QTMAN: variants seen among roughly 807,000 people sequenced by gnomAD.
The protein encoded by QTMAN is queuosine-tRNA mannosyltransferase.
chr2:143,979,170 A>C, the QTMAN span, among the ~76,000 whole-genome samples: 1 of 152,160 alleles, frequency 6.6e-6, no homozygotes, highest in Non-Finnish European at 1.5e-5. Context: ...TAAAAAAAAA[A>C]ACAAAACCCT....
the QTMAN span, among the ~76,000 whole-genome samples, chr2:143,999,482 G>C: frequency 6.6e-6 from 1 of 151,902 alleles, no homozygotes. Context: ...TACTAGGATG[G>C]TGTGGAAAAA....
At chr2:144,103,834 A>G in the QTMAN span, among the ~76,000 whole-genome samples, 8 of 152,218 alleles carry the variant, frequency 5.3e-5, 1 homozygote, top group Non-Finnish European at 1.2e-4. Flanking sequence ...TCACACCTGT[A>G]ATCCCAGCAC....
At chr2:144,035,945 C>G in the QTMAN span, among the ~76,000 whole-genome samples, 1 of 152,120 alleles carries the variant, frequency 6.6e-6, no homozygotes, top group African/African-American at 2.4e-5. Context: ...TCACCTATCC[C>G]TTCCTTATTT....
chr2:144,291,159 A>G, the QTMAN span, among the ~76,000 whole-genome samples: 1 of 152,212 alleles, frequency 6.6e-6, no homozygotes, highest in Non-Finnish European at 1.5e-5. Flanking sequence ...CACCAGTCAT[A>G]TTAGATTAGG....
chr2:144,240,784 T>C, the QTMAN span, among the ~76,000 whole-genome samples: 1 of 152,194 alleles, frequency 6.6e-6, no homozygotes, highest in Non-Finnish European at 1.5e-5. Context: ...CCAAAGCAAT[T>C]GTTTTAAAAC....
At chr2:144,084,466 T>C in the QTMAN span, among the ~76,000 whole-genome samples, 1 of 152,214 alleles carries the variant, frequency 6.6e-6, no homozygotes, top group Admixed American at 6.5e-5. Context: ...CATTTATGCA[T>C]TATTTTATAA....
At chr2:144,057,096 A>G in the QTMAN span, among the ~76,000 whole-genome samples, 112 of 152,312 alleles carry the variant, frequency 7.4e-4, no homozygotes, top group African/African-American at 2.5e-3. Flanking sequence ...CACTGCCTAC[A>G]AATTATTTTG....
the QTMAN span, among the ~76,000 whole-genome samples, chr2:144,149,543 A>G: frequency 6.6e-6 from 1 of 152,008 alleles, no homozygotes; most frequent in Non-Finnish European, 1.5e-5. Context: ...AGAGAAACCT[A>G]TATTTAAAAT....
At chr2:144,273,497 C>G in the QTMAN span, among the ~76,000 whole-genome samples, 10 of 152,072 alleles carry the variant, frequency 6.6e-5, 1 homozygote, top group Non-Finnish European at 1.5e-4. Context: ...GACGGTCTGA[C>G]CATTATCCCA....
At chr2:143,963,998 T>G in the QTMAN span, 1 of 152,156 alleles carries the variant, frequency 6.6e-6, no homozygotes, top group African/African-American at 2.4e-5. Flanking sequence ...GGAGCTAATA[T>G]GCGTCATTTC....
chr2:143,949,078 T>C, the QTMAN span, among the ~76,000 whole-genome samples: 1 of 152,168 alleles, frequency 6.6e-6, no homozygotes, highest in South Asian at 2.1e-4. Context: ...TTTTTGCATG[T>C]ATTGGATTTC....
the QTMAN span, chr2:143,970,720 C>A: frequency 6.2e-7 from 1 of 1,607,650 alleles, no homozygotes; most frequent in East Asian, 2.2e-5. Context: ...CTTTAAGATG[C>A]ATTAATACCT....
At chr2:144,065,595 G>T in the QTMAN span, among the ~76,000 whole-genome samples, 1 of 152,008 alleles carries the variant, frequency 6.6e-6, no homozygotes, top group African/African-American at 2.4e-5. Flanking sequence ...ACCCAGGGGT[G>T]GTAACACTGT....
the QTMAN span, among the ~76,000 whole-genome samples, chr2:144,234,406 C>T: frequency 6.6e-6 from 1 of 152,076 alleles, no homozygotes; most frequent in Admixed American, 6.6e-5. Flanking sequence ...CTTTCTAATG[C>T]ACAAGATAAG....
the QTMAN span, chr2:144,237,246 A>G: frequency 6.6e-6 from 1 of 152,198 alleles, no homozygotes; most frequent in African/African-American, 2.4e-5. Flanking sequence ...ATACCCACCC[A>G]GCATGTCACA....
chr2:144,106,043 A>C, the QTMAN span, among the ~76,000 whole-genome samples: 1 of 152,206 alleles, frequency 6.6e-6, no homozygotes, highest in Non-Finnish European at 1.5e-5. Context: ...TCCTTTACAG[A>C]CAAGCAAATG....
chr2:144,004,584 T>C, the QTMAN span, among the ~76,000 whole-genome samples: 43 of 152,194 alleles, frequency 2.8e-4, no homozygotes, highest in South Asian at 3.7e-3. Flanking sequence ...TAGATTTTCA[T>C]TGAAGAGTCT....
the QTMAN span, among the ~76,000 whole-genome samples, chr2:144,253,888 C>A: frequency 3.9e-5 from 6 of 152,330 alleles, no homozygotes; most frequent in Admixed American, 2.0e-4. Flanking sequence ...GAGACCTTCT[C>A]AATAGCCCCT....
chr2:144,075,510 T>C, the QTMAN span, among the ~76,000 whole-genome samples: 52 of 152,320 alleles, frequency 3.4e-4, no homozygotes, highest in African/African-American at 1.2e-3. Context: ...CCTTTTTTAA[T>C]ATAGATGTTT....
Sources: allele counts gnomAD v4.1 joint callset (sites outside exome capture counted in the v4.1 genomes callset), GRCh38; gene constraint gnomAD v4.1.1; transcripts MANE v1.5; gene names NCBI Gene and HGNC (gene_info 2026-07-23, HGNC 2026-07-21).